Variants in SNX29 observed in about 807,000 individuals in gnomAD.
SNX29 encodes sorting nexin 29.
In SNX29, 78 loss-of-function variants were observed where a neutral mutation model predicts 102.1. The observed-to-expected ratio is 0.76, with a 90% CI of 0.64 to 0.92. SNX29 has a LOEUF of 0.92. Among genes scored for constraint, SNX29 ranks in the 40% least tolerant of loss-of-function variants. The pLI, the probability that SNX29 is intolerant of heterozygous loss-of-function variation, is 0.00. For missense variants in SNX29, 1,280 were observed against 1,061.7 expected (o/e 1.21, Z -2.86); for synonymous variants, 580 against 414.5 (o/e 1.40, Z -4.85).
chr16:12,565,191 G>T (rs2078946261), intron 20 of SNX29, among the ~76,000 whole-genome samples: 2 of 152,042 alleles, frequency 1.3e-5, no homozygotes, highest in South Asian at 4.1e-4. Flanking sequence ...CCCACCTTCA[G>T]ATTCTGCTAT....
intron 1 of SNX29, among the ~76,000 whole-genome samples, chr16:11,978,855 C>T (rs1212087515): frequency 2.0e-5 from 3 of 151,526 alleles, no homozygotes; most frequent in African/African-American, 4.9e-5. Flanking sequence ...AACCCCGGTG[C>T]CAGAGGTTGC....
chr16:11,991,975 A>G (rs1483405990), intron 1 of SNX29, among the ~76,000 whole-genome samples: 3 of 152,090 alleles, frequency 2.0e-5, no homozygotes, highest in Admixed American at 2.0e-4. Flanking sequence ...TTTCTCAGCC[A>G]ACATCTACCT....
At chr16:12,276,526 G>T (rs1596726166) in intron 14 of SNX29, among the ~76,000 whole-genome samples, 4 of 152,126 alleles carry the variant, frequency 2.6e-5, no homozygotes. Flanking sequence ...CGCATCACTG[G>T]GGGGCTAGTC....
At chr16:12,436,834 G>A (rs2085562031) in intron 18 of SNX29, among the ~76,000 whole-genome samples, 1 of 152,200 alleles carries the variant, frequency 6.6e-6, no homozygotes, top group African/African-American at 2.4e-5. Flanking sequence ...TTGTATTTTA[G>A]TAGAGATGGG....
At chr16:12,081,980 C>G (rs979903124) in intron 11 of SNX29, 1 of 152,384 alleles carries the variant, frequency 6.6e-6, no homozygotes, top group Non-Finnish European at 1.5e-5. Flanking sequence ...CAGCGAGTCA[C>G]ATTAGGTGTT....
intron 20 of SNX29, among the ~76,000 whole-genome samples, chr16:12,542,406 C>G (rs188321349): frequency 1.7e-3 from 262 of 152,326 alleles, no homozygotes; most frequent in African/African-American, 6.2e-3. Context: ...CACAGTCTCC[C>G]CTCACTACAG....
At chr16:12,472,381 G>A (rs920018963) in intron 18 of SNX29, among the ~76,000 whole-genome samples, 11 of 152,030 alleles carry the variant, frequency 7.2e-5, no homozygotes, top group African/African-American at 1.7e-4. Flanking sequence ...TTAGCCAGGC[G>A]TGTGGCAGGC....
At chr16:12,259,652 C>G (rs754064658) in intron 14 of SNX29, among the ~76,000 whole-genome samples, 25 of 152,220 alleles carry the variant, frequency 1.6e-4, no homozygotes, top group Non-Finnish European at 3.7e-4. Flanking sequence ...ATTTTCTCAT[C>G]ACCTAATGCT....
At chr16:12,331,835 A>T (rs2081299981) in intron 15 of SNX29, among the ~76,000 whole-genome samples, 1 of 152,176 alleles carries the variant, frequency 6.6e-6, no homozygotes, top group South Asian at 2.1e-4. Context: ...TACAAGTGTG[A>T]GCCACCATGC....
intron 20 of SNX29, among the ~76,000 whole-genome samples, chr16:12,532,182 A>G (rs1260655359): frequency 3.3e-5 from 5 of 152,348 alleles, no homozygotes; most frequent in Admixed American, 1.3e-4. Context: ...ACTGCAAACA[A>G]TGAATCATTC....
intron 13 of SNX29, among the ~76,000 whole-genome samples, chr16:12,169,857 C>T (rs1182420163): frequency 1.3e-5 from 2 of 151,958 alleles, no homozygotes; most frequent in Non-Finnish European, 2.9e-5. Context: ...CAGGGTTCAA[C>T]AGCCGCCTCC....
chr16:12,131,077 C>G (rs1413452195), intron 13 of SNX29, among the ~76,000 whole-genome samples: 1 of 152,222 alleles, frequency 6.6e-6, no homozygotes, highest in Non-Finnish European at 1.5e-5. Context: ...GGACCATCAA[C>G]TCGCCTGGCA....
chr16:12,333,452 C>G (rs2081355134), intron 15 of SNX29, among the ~76,000 whole-genome samples: 1 of 152,050 alleles, frequency 6.6e-6, no homozygotes, highest in Admixed American at 6.6e-5. Flanking sequence ...AGAGTTTTCC[C>G]TGTTTGAGAG....
At chr16:11,984,619 C>T (rs950691103) in intron 1 of SNX29, among the ~76,000 whole-genome samples, 6 of 151,826 alleles carry the variant, frequency 4.0e-5, no homozygotes, top group Admixed American at 6.6e-5. Context: ...CTCTCCCTCT[C>T]CTCCCTCTCT....
At chr16:12,141,572 G>T (rs919146450) in intron 13 of SNX29, among the ~76,000 whole-genome samples, 9 of 152,240 alleles carry the variant, frequency 5.9e-5, no homozygotes, top group African/African-American at 1.9e-4. Context: ...ACAAAAGGCA[G>T]ATTATTCATG....
chr16:12,565,372 A>G (rs55910004), intron 20 of SNX29, among the ~76,000 whole-genome samples: 15,381 of 152,232 alleles, frequency 0.1, 1,025 homozygotes, highest in Non-Finnish European at 0.14. Context: ...CCCCTGGTCT[A>G]GCCAGATTTC....
At chr16:12,444,086 C>A (rs1210643256) in intron 18 of SNX29, among the ~76,000 whole-genome samples, 1 of 150,930 alleles carries the variant, frequency 6.6e-6, no homozygotes, top group Non-Finnish European at 1.5e-5. Flanking sequence ...ACATACTAAG[C>A]ACTCAGTATA....
intron 18 of SNX29, chr16:12,443,024 T>G (rs779111827): frequency 2.2e-6 from 1 of 455,944 alleles, no homozygotes; most frequent in South Asian, 1.5e-5. Flanking sequence ...TCATTCTTAG[T>G]CTGTGGGCCG....
intron 20 of SNX29, among the ~76,000 whole-genome samples, chr16:12,535,954 TGA>T (rs1050025674): frequency 2.4e-4 from 37 of 152,244 alleles, no homozygotes; most frequent in Admixed American, 2.2e-3. Flanking sequence ...AAGGAACTTC[TGA>T]GAGCTTTGAC....
Sources: allele counts gnomAD v4.1 joint callset (sites outside exome capture counted in the v4.1 genomes callset), GRCh38; gene constraint gnomAD v4.1.1; transcripts MANE v1.5; gene names NCBI Gene and HGNC (gene_info 2026-07-23, HGNC 2026-07-21).